Variants in GTPBP10 observed in about 807,000 individuals in gnomAD.
GTPBP10 encodes the protein GTP-binding protein 10.
A neutral mutation model predicts 44.8 loss-of-function variants in GTPBP10; 38 were observed. That is an observed-to-expected ratio of 0.85 (90% CI 0.65 to 1.11). The LOEUF (loss-of-function observed/expected upper bound fraction) is 1.11. Ranked by LOEUF, GTPBP10 falls within the 50% of genes most tolerant of loss-of-function variation. The probability of loss-of-function intolerance (pLI) is 0.00; values close to 1 mark genes in which losing one functional copy is unlikely to be tolerated. For missense variants in GTPBP10, 462 were observed against 453.7 expected, an observed-to-expected ratio of 1.02 and a Z score of -0.17; for synonymous variants, 152 against 150.6, an observed-to-expected ratio of 1.01 and a Z score of -0.07.
intron 4 of GTPBP10, among the ~76,000 whole-genome samples, chr7:90,359,268 C>T (rs111879991): frequency 0.015 from 2,351 of 152,106 alleles, 58 homozygotes; most frequent in African/African-American, 0.052. Context: ...TTACATTAGG[C>T]ATATCTCCTA....
At chr7:90,381,788 G>A (rs1796439621) in intron 8 of GTPBP10, among the ~76,000 whole-genome samples, 1 of 152,032 alleles carries the variant, frequency 6.6e-6, no homozygotes, top group Non-Finnish European at 1.5e-5. Flanking sequence ...TTTCGACAAA[G>A]GTACCTAGAA....
chr7:90,381,401 T>G (rs1429453699), intron 8 of GTPBP10, among the ~76,000 whole-genome samples: 1 of 152,224 alleles, frequency 6.6e-6, no homozygotes, highest in Non-Finnish European at 1.5e-5. Flanking sequence ...TTGAACATTT[T>G]TTCATACATA....
intron 4 of GTPBP10, among the ~76,000 whole-genome samples, chr7:90,367,665 T>G (rs1796161809): frequency 6.6e-6 from 1 of 152,028 alleles, no homozygotes; most frequent in Admixed American, 6.5e-5. Context: ...ATTTTGAGCC[T>G]GTGTGTGTCT....
rs572746033 is a variant in GTPBP10, at chr7:90,349,518, C to G, written c.33+2744C>G. Among the ~76,000 whole-genome samples, 4 of 152,270 alleles carry G rather than the reference C, an allele frequency of 2.6e-5. No individual in the cohort carries two copies. The South Asian group carries it at 8.3e-4, about 32-fold the overall frequency. On this transcript the variant is annotated intron_variant, in intron 1 of 9. Transcript: ENST00000222511. ...CTTCAGGGAGAAAGCATCCATGGAACCAATCCAGAGAAAAGGTTTTTGTTC... is the reference window on the plus strand; with the variant it reads ...CTTCAGGGAGAAAGCATCCATGGAAGCAATCCAGAGAAAAGGTTTTTGTTC...
In GTPBP10 at chr7:90,360,376, G is replaced by A. The variant is rs193141085; in HGVS notation, c.464+5146G>A. Among the ~76,000 whole-genome samples the A allele has an allele frequency of 7.1e-3, 1,078 of 152,228 alleles. 3 individuals are homozygous for A. Among genetic ancestry groups the A allele is most frequent in the Non-Finnish European group, 0.012 (830 of 68,022 alleles). ...TACATATGGCTAGCCAGTTTTCCCAGCACCATTTATTATATAGAGAATCCT... is the reference window on the plus strand; with the variant it reads ...TACATATGGCTAGCCAGTTTTCCCAACACCATTTATTATATAGAGAATCCT... On this transcript the variant is annotated intron_variant, in intron 4 of 9. Transcript: ENST00000222511.
Position 90,388,379 on chromosome 7 carries a change from T to G in GTPBP10, c.*3225T>G, listed in dbSNP as rs1214778515. The G allele has an allele frequency of 1.3e-5, 2 of 152,144 alleles. No individual in the cohort carries two copies. The highest frequency in any genetic ancestry group is 2.9e-5 in the Non-Finnish European group (2 of 68,022). The allele number at this position is 152,144 out of a possible 1,614,324, so 9.4% of individuals were successfully genotyped here. A position where few individuals can be genotyped will look rare whatever the true frequency, so the allele number is the denominator to read the frequency against. On this transcript the variant is annotated 3_prime_UTR_variant, in exon 10 of 10. Transcript: ENST00000222511. ...TTACTGAATAACCAGAGTATTAAAT[T>G]CAATGTACAGCAAATTTTTACAAAG... is the stretch of plus-strand genomic sequence containing the variant.
At position 90,370,281 on chromosome 7, in the gene GTPBP10, G is replaced by A. The variant is rs551434773; in HGVS notation, c.465-1874G>A. ...GTTTATCACAGTATCATTCAGAATTGCAAAGACATGGAATCAACCTTAGTG... is the reference window on the plus strand; with the variant it reads ...GTTTATCACAGTATCATTCAGAATTACAAAGACATGGAATCAACCTTAGTG... On this transcript the variant is annotated intron_variant, in intron 4 of 9. Transcript: ENST00000222511. Among the ~76,000 whole-genome samples, 4 of 152,024 alleles carry A rather than the reference G, an allele frequency of 2.6e-5. No homozygotes were observed. The South Asian group carries it at 8.3e-4, about 32-fold the overall frequency.
chr7:90,386,404 A>G lies in GTPBP10; in HGVS notation c.*1250A>G, dbSNP rs1295968282. On this transcript the variant is annotated 3_prime_UTR_variant, in exon 10 of 10. Transcript: ENST00000222511. Reference sequence around the variant, plus strand: ...GGAAAATTTTCGTTTCTTGAATGTAATAGTATTTTTTCCTGAATTGGAGGA... The same window carrying G: ...GGAAAATTTTCGTTTCTTGAATGTAGTAGTATTTTTTCCTGAATTGGAGGA... The G allele has an allele frequency of 1.3e-5, 2 of 152,194 alleles. No homozygotes were observed. The highest frequency in any genetic ancestry group is 1.3e-4 in the Admixed American group (2 of 15,282). 9.4% of individuals were successfully genotyped at this position (152,194 alleles called of 1,614,324 possible).
At chr7:90,347,969 ATTG>A (rs1467272340) in intron 1 of GTPBP10, among the ~76,000 whole-genome samples, 6 of 152,150 alleles carry the variant, frequency 3.9e-5, no homozygotes, top group Non-Finnish European at 7.4e-5. Flanking sequence ...AGGTGAGCCT[ATTG>A]TTCTTGCTAC....
chr7:90,364,401 C>T (rs1796090543), intron 4 of GTPBP10, among the ~76,000 whole-genome samples: 1 of 152,222 alleles, frequency 6.6e-6, no homozygotes, highest in Non-Finnish European at 1.5e-5. Context: ...TGGAGGTCCA[C>T]TCCAGACCGT....
intron 5 of GTPBP10, 125 bp from the exon 6 acceptor site, chr7:90,374,177 C>G: frequency 1.4e-6 from 1 of 725,824 alleles, no homozygotes; most frequent in Non-Finnish European, 2.5e-6. Flanking sequence ...ATAATAGTTT[C>G]CATTTTAGCA....
chr7:90,371,128 T>C, intron 4 of GTPBP10: 1 of 809,636 alleles, frequency 1.2e-6, no homozygotes. Flanking sequence ...TTAAAGTTAT[T>C]TTAAAAAAAC....
At position 90,385,135 on chromosome 7, in the gene GTPBP10, C is replaced by T; in HGVS notation, c.1145C>T (p.Ser382Phe). The T allele has an allele frequency of 6.2e-7, 1 of 1,602,432 alleles. No individual in the cohort carries two copies. Among genetic ancestry groups the T allele is most frequent in the Non-Finnish European group, 8.5e-7 (1 of 1,173,216 alleles). ...CCATCAAAGCATGCTGTTACTACTTCCAAAATGGATATAATTTAAATATAT... is the reference window on the plus strand; with the variant it reads ...CCATCAAAGCATGCTGTTACTACTTTCAAAATGGATATAATTTAAATATAT... The part of the protein sequence containing the change: ...EPPSKHAVTT[S>F]KMDII Residue 382 changes from serine (S) to phenylalanine (F), a missense_variant, in exon 10 of 10, where the codon TCC becomes TTC. Physicochemically the swap from Ser to Phe is radical, Grantham distance 155. Transcript: ENST00000222511.
chr7:90,387,448 C>G lies in GTPBP10; in HGVS notation c.*2294C>G, dbSNP rs1223376742. 1.3e-5 allele frequency: 2 copies of G among 152,116 alleles called. No homozygotes were observed. Among genetic ancestry groups the G allele is most frequent in the East Asian group, 3.8e-4 (2 of 5,200 alleles). The allele number at this position is 152,116 out of a possible 1,614,324, so 9.4% of individuals were successfully genotyped here. A position where few individuals can be genotyped will look rare whatever the true frequency, so the allele number is the denominator to read the frequency against. On this transcript the variant is annotated 3_prime_UTR_variant, in exon 10 of 10. Coordinates refer to ENST00000222511, the MANE Select transcript of GTPBP10 (RefSeq NM_033107.4). ...ACAGCCTGAGATATGGCTGTTCACC[C>G]TTTGGTAAAGTATTAAAGAAAAATA...
At chr7:90,375,198 A>T (rs969094305) in intron 6 of GTPBP10, among the ~76,000 whole-genome samples, 6 of 143,406 alleles carry the variant, frequency 4.2e-5, no homozygotes, top group East Asian at 2.0e-4. Flanking sequence ...TGGAGACAGT[A>T]AAAAAAAAAA....
At chr7:90,376,081 A>AAT (rs1796341068) in intron 6 of GTPBP10, among the ~76,000 whole-genome samples, 1 of 151,494 alleles carries the variant, frequency 6.6e-6, no homozygotes, top group Non-Finnish European at 1.5e-5. Flanking sequence ...AAAAAAAAAA[A>AAT]AAAATTAGAT....
At chr7:90,363,733 C>T (rs1796074953) in intron 4 of GTPBP10, among the ~76,000 whole-genome samples, 1 of 152,204 alleles carries the variant, frequency 6.6e-6, no homozygotes, top group Admixed American at 6.5e-5. Context: ...AGAGTGTTTT[C>T]TGACTTGGTT....
rs1210225294 is a variant in GTPBP10 at position 90,390,991 on chromosome 7, A to G, written c.*5837A>G. The G allele has an allele frequency of 6.6e-6, 1 of 152,212 alleles. No homozygotes were observed. The highest frequency in any genetic ancestry group is 2.1e-4 in the South Asian group (1 of 4,834). 9.4% of individuals were successfully genotyped at this position (152,212 alleles called of 1,614,324 possible). A position where few individuals can be genotyped will look rare whatever the true frequency, so the allele number is the denominator to read the frequency against. ...TGACTTTGGATGGATTTGAAACATG[A>G]TTAAATGACAGAGTAAATAAAAGCC... is the stretch of plus-strand genomic sequence containing the variant. On this transcript the variant is annotated 3_prime_UTR_variant, in exon 10 of 10. Coordinates refer to ENST00000222511, the MANE Select transcript of GTPBP10 (RefSeq NM_033107.4).
chr7:90,391,350 T>C lies in GTPBP10; in HGVS notation c.*6196T>C, dbSNP rs777183327. 1 of 152,174 alleles carries C rather than the reference T, an allele frequency of 6.6e-6. No individual in the cohort carries two copies. The highest frequency in any genetic ancestry group is 1.5e-5 in the Non-Finnish European group (1 of 68,020). The allele number at this position is 152,174 out of a possible 1,614,324, so 9.4% of individuals were successfully genotyped here. On this transcript the variant is annotated 3_prime_UTR_variant, in exon 10 of 10. Coordinates refer to ENST00000222511, the MANE Select transcript of GTPBP10 (RefSeq NM_033107.4). ...CCTATATATATTATGTTTTTTTCTA[T>C]ATATACACAGCTATGATAAAGTTCA...
Sources: allele counts gnomAD v4.1 joint callset (sites outside exome capture counted in the v4.1 genomes callset), GRCh38; gene constraint gnomAD v4.1.1; transcripts MANE v1.5; gene names NCBI Gene and HGNC (gene_info 2026-07-23, HGNC 2026-07-21).